The following CACNA1D variants were observed in gnomAD, a reference collection of about 807,000 sequenced individuals.
The protein encoded by CACNA1D is voltage-dependent L-type calcium channel subunit alpha-1D.
A neutral mutation model predicts 257.1 loss-of-function variants in CACNA1D; 55 were observed. That is an observed-to-expected ratio of 0.21 (90% confidence interval 0.17 to 0.27). CACNA1D has a LOEUF of 0.27. CACNA1D is among the 10% of genes least tolerant of loss of function. The pLI is 1.00. For missense variants in CACNA1D, 1,876 were observed against 2,784.0 expected, an observed-to-expected ratio of 0.67 and a Z score of 7.34; for synonymous variants, 980 against 1,014.9, an observed-to-expected ratio of 0.97 and a Z score of 0.65.
intron 3 of CACNA1D, among the ~76,000 whole-genome samples, chr3:53,521,940 C>G (rs1463064295): frequency 6.9e-6 from 1 of 144,050 alleles, no homozygotes; most frequent in African/African-American, 2.6e-5. Context: ...GCCTGGAAAA[C>G]ATAGTGAGAC....
intron 3 of CACNA1D, among the ~76,000 whole-genome samples, chr3:53,508,501 C>G (rs1575703781): frequency 6.6e-6 from 1 of 152,076 alleles, no homozygotes; most frequent in Non-Finnish European, 1.5e-5. Context: ...TCAAGTAGAC[C>G]CAGTGTCTGT....
intron 3 of CACNA1D, among the ~76,000 whole-genome samples, chr3:53,603,220 T>G (rs912642606): frequency 6.6e-6 from 1 of 152,248 alleles, no homozygotes; most frequent in Non-Finnish European, 1.5e-5. Context: ...AATATTTTGA[T>G]GTACTTCAGC....
intron 3 of CACNA1D, among the ~76,000 whole-genome samples, chr3:53,611,527 C>T (rs2093583189): frequency 6.6e-6 from 1 of 151,980 alleles, no homozygotes; most frequent in Non-Finnish European, 1.5e-5. Context: ...TGTTTATTCA[C>T]CTCTGGATTT....
At chr3:53,594,037 T>C (rs1367607653) in intron 3 of CACNA1D, among the ~76,000 whole-genome samples, 1 of 152,174 alleles carries the variant, frequency 6.6e-6, no homozygotes, top group Non-Finnish European at 1.5e-5. Flanking sequence ...CCAAGTTCAG[T>C]GACAGCCCAC....
chr3:53,614,037 A>G (rs1399699066), intron 3 of CACNA1D, among the ~76,000 whole-genome samples: 1 of 150,222 alleles, frequency 6.7e-6, no homozygotes, highest in East Asian at 2.0e-4. Flanking sequence ...GCATACCTGT[A>G]GTGCCAGCTA....
intron 45 of CACNA1D, 24 bp from the exon 46 acceptor site, chr3:53,808,625 G>C: frequency 2.5e-6 from 4 of 1,604,874 alleles, no homozygotes; most frequent in African/African-American, 2.7e-5. Flanking sequence ...CTTCACAGCT[G>C]TGTGATGCCC....
chr3:53,622,181 G>A (rs1449602488), intron 3 of CACNA1D, among the ~76,000 whole-genome samples: 3 of 152,124 alleles, frequency 2.0e-5, no homozygotes, highest in African/African-American at 7.2e-5. Context: ...CTCAGCAGTA[G>A]CTGGGATCAC....
intron 8 of CACNA1D, among the ~76,000 whole-genome samples, chr3:53,676,959 G>C (rs1044373660): frequency 6.6e-6 from 1 of 152,176 alleles, no homozygotes; most frequent in African/African-American, 2.4e-5. Flanking sequence ...TGTCATTGAG[G>C]ATATGCTCCC....
Position 53,553,292 on chromosome 3 carries a change from C to T in CACNA1D, c.483+51572C>T, listed in dbSNP as rs936126784. Among the ~76,000 whole-genome samples the T allele has an allele frequency of 4.6e-5, 7 of 152,218 alleles. 1 individual carries two copies. The highest frequency in any genetic ancestry group is 1.7e-4 in the African/African-American group (7 of 41,446). On this transcript the variant is annotated intron_variant, in intron 3 of 47. Coordinates refer to ENST00000350061, the MANE Select transcript of CACNA1D (RefSeq NM_001128840.3). ...ACTTGTGTTCAACACAATCCCTGCT[C>T]TCAGTTATGAAGTTATAAAAAAATG...
intron 3 of CACNA1D, among the ~76,000 whole-genome samples, chr3:53,602,765 T>C (rs1274546531): frequency 2.6e-5 from 4 of 152,244 alleles, no homozygotes; most frequent in Non-Finnish European, 5.9e-5. Flanking sequence ...GAAACATCTA[T>C]ACAGATCTTT....
At chr3:53,504,762 C>T (rs2090755594) in intron 3 of CACNA1D, among the ~76,000 whole-genome samples, 1 of 152,126 alleles carries the variant, frequency 6.6e-6, no homozygotes, top group Non-Finnish European at 1.5e-5. Context: ...ATTACAATAT[C>T]ATACTTCACT....
At chr3:53,564,998 G>T (rs376888264) in intron 3 of CACNA1D, among the ~76,000 whole-genome samples, 4 of 152,192 alleles carry the variant, frequency 2.6e-5, no homozygotes, top group South Asian at 4.1e-4. Context: ...TTTTGTGTGT[G>T]GTATGAGGTA....
At chr3:53,676,593 A>G (rs1370104365) in intron 8 of CACNA1D, among the ~76,000 whole-genome samples, 1 of 152,196 alleles carries the variant, frequency 6.6e-6, no homozygotes, top group African/African-American at 2.4e-5. Flanking sequence ...TCACGAGGAA[A>G]TGTTAGATGG....
At chr3:53,783,803 A>G (rs777165054) in intron 39 of CACNA1D, among the ~76,000 whole-genome samples, 1 of 152,204 alleles carries the variant, frequency 6.6e-6, no homozygotes, top group Non-Finnish European at 1.5e-5. Flanking sequence ...GCATCACAGC[A>G]TACTTAGAAA....
chr3:53,803,890 T>A (rs2095548692), intron 44 of CACNA1D, among the ~76,000 whole-genome samples: 1 of 152,104 alleles, frequency 6.6e-6, no homozygotes, highest in Non-Finnish European at 1.5e-5. Flanking sequence ...TTTGGAGAGA[T>A]CAGTTTTTGC....
In CACNA1D at chr3:53,673,068, A is replaced by T; in HGVS notation, c.1162A>T (p.Ser388Cys). 6.4e-7 allele frequency: 1 copy of T among 1,552,280 alleles called. No individual in the cohort carries two copies. Among genetic ancestry groups the T allele is most frequent in the Non-Finnish European group, 8.7e-7 (1 of 1,147,210 alleles). ...TGAATTGCCCTGGGTGTATTTTGTC[A>T]GTCTCGTCATCTTTGGGTCATTTTT... ...GFELPWVYFV[S>C]LVIFGSFFVL... Residue 388 changes from serine (S) to cysteine (C), a missense_variant, in exon 8 of 48, where the codon AGT becomes TGT. Ser to Cys is a moderately radical substitution (Grantham distance 112). This residue lies in a region of CACNA1D where 188 missense variants were observed against 390.4 expected (regional missense o/e 0.48). Transcript: ENST00000350061. The surrounding 1 kb of genome is among the most constrained non-coding windows in gnomAD (Gnocchi z 4.1).
intron 4 of CACNA1D, among the ~76,000 whole-genome samples, chr3:53,657,928 G>T (rs978170805): frequency 2.0e-5 from 3 of 152,204 alleles, no homozygotes; most frequent in African/African-American, 7.2e-5. Context: ...TATTCCTTTA[G>T]AGAAAAGTTT....
intron 8 of CACNA1D, chr3:53,679,867 G>C (rs527257718): frequency 3.3e-5 from 5 of 152,150 alleles, no homozygotes; most frequent in Non-Finnish European, 7.3e-5. Context: ...AAAGATTCAG[G>C]GTCCTTCGGT....
At chr3:53,732,767 A>G (rs2108771378) in intron 18 of CACNA1D, 48 bp from the exon 19 acceptor site, 5 of 1,532,376 alleles carry the variant, frequency 3.3e-6, no homozygotes, top group South Asian at 1.1e-5. Context: ...ATTCAAACCC[A>G]TATGTAGTCT....
Sources: allele counts gnomAD v4.1 joint callset (sites outside exome capture counted in the v4.1 genomes callset), GRCh38; gene constraint gnomAD v4.1.1; regional missense constraint gnomAD v4.1.1; non-coding constraint Gnocchi (gnomAD v3.1); transcripts MANE v1.5; gene names NCBI Gene and HGNC (gene_info 2026-07-23, HGNC 2026-07-21).